MARCHF11: variants seen among roughly 807,000 people sequenced by gnomAD.
The protein encoded by MARCHF11 is E3 ubiquitin-protein ligase MARCHF11.
MARCHF11 carries 29 observed loss-of-function variants against 37.3 expected under a neutral mutation model. That is an observed-to-expected ratio of 0.78 (90% CI 0.58 to 1.06). MARCHF11 has a LOEUF of 1.06. Among genes scored for constraint, MARCHF11 ranks in the 50% least tolerant of loss-of-function variants. The pLI, the probability that MARCHF11 is intolerant of heterozygous loss-of-function variation, is 0.00. For synonymous variants in MARCHF11, 233 were observed against 228.0 expected, an observed-to-expected ratio of 1.02 and a Z score of -0.20; for missense variants, 482 against 533.4, an observed-to-expected ratio of 0.90 and a Z score of 0.95.
intron 2 of MARCHF11, among the ~76,000 whole-genome samples, chr5:16,160,337 ATAT>A (rs1316665033): frequency 1.0e-3 from 149 of 144,560 alleles, no homozygotes; most frequent in African/African-American, 3.3e-3. Context: ...ATAATTTAAT[ATAT>A]TAATTATATA....
intron 2 of MARCHF11, among the ~76,000 whole-genome samples, chr5:16,171,530 A>G (rs1265488642): frequency 1.3e-5 from 2 of 152,094 alleles, no homozygotes; most frequent in Non-Finnish European, 2.9e-5. Context: ...TAAAAAAAGA[A>G]TACTATTTCC....
At chr5:16,072,020 C>T (rs368069467) in intron 3 of MARCHF11, among the ~76,000 whole-genome samples, 52 of 152,096 alleles carry the variant, frequency 3.4e-4, no homozygotes, top group African/African-American at 1.3e-3. Flanking sequence ...AGTGCAGTGA[C>T]GTGATCTCGG....
At chr5:16,083,343 G>A (rs1256295366) in intron 3 of MARCHF11, among the ~76,000 whole-genome samples, 1 of 152,118 alleles carries the variant, frequency 6.6e-6, no homozygotes, top group East Asian at 1.9e-4. Flanking sequence ...GTCTTCAGTG[G>A]ACATTTTGAT....
At chr5:16,073,616 T>C (rs897189409) in intron 3 of MARCHF11, among the ~76,000 whole-genome samples, 58 of 149,640 alleles carry the variant, frequency 3.9e-4, no homozygotes, top group African/African-American at 1.4e-3. Context: ...ATAATATATA[T>C]AGAACTATAT....
At chr5:16,178,802 A>G (rs1310001894) in intron 1 of MARCHF11, among the ~76,000 whole-genome samples, 3 of 152,240 alleles carry the variant, frequency 2.0e-5, no homozygotes, top group African/African-American at 7.2e-5. Flanking sequence ...TAAGCCAGGA[A>G]GGAAAAAGGA....
At chr5:16,140,397 T>C (rs1451336143) in intron 2 of MARCHF11, among the ~76,000 whole-genome samples, 1 of 152,088 alleles carries the variant, frequency 6.6e-6, no homozygotes, top group African/African-American at 2.4e-5. Context: ...TTATAATAAA[T>C]GCAAAAACCT....
chr5:16,112,510 A>G (rs1737160716), intron 2 of MARCHF11, among the ~76,000 whole-genome samples: 1 of 152,156 alleles, frequency 6.6e-6, no homozygotes, highest in African/African-American at 2.4e-5. Context: ...GGCTGTATTT[A>G]CCCAATGCCT....
chr5:16,099,370 G>T (rs1287765051), intron 2 of MARCHF11, among the ~76,000 whole-genome samples: 1 of 152,066 alleles, frequency 6.6e-6, no homozygotes, highest in Non-Finnish European at 1.5e-5. Context: ...GGGAGAAAAA[G>T]GGTTCCTCAA....
In MARCHF11 at chr5:16,179,656, G is replaced by C; in HGVS notation, c.-81C>G. The C allele has an allele frequency of 2.0e-6, 2 of 1,021,684 alleles. No individual in the cohort carries two copies. The highest frequency in any genetic ancestry group is 2.4e-6 in the Non-Finnish European group (2 of 833,326). 63.3% of individuals were successfully genotyped at this position (1,021,684 alleles called of 1,614,324 possible). A position where few individuals can be genotyped will look rare whatever the true frequency, so the allele number is the denominator to read the frequency against. ...CAGGGAAAGAGAGCGCGGAGGGGGC[G>C]GGAGGGAGAGGGGAAAAGGAGGGAG... On this transcript the variant is annotated 5_prime_UTR_variant, in exon 1 of 4. Coordinates refer to ENST00000332432, the MANE Select transcript of MARCHF11 (RefSeq NM_001102562.3).
chr5:16,176,414 G>A (rs1004390224), intron 2 of MARCHF11, among the ~76,000 whole-genome samples: 1 of 152,114 alleles, frequency 6.6e-6, no homozygotes, highest in African/African-American at 2.4e-5. Flanking sequence ...AGACAACTAT[G>A]ATGGATTCAT....
At chr5:16,090,834 C>A (rs904659293) in intron 3 of MARCHF11, 55 bp downstream of exon 3, 3 of 1,330,054 alleles carry the variant, frequency 2.3e-6, no homozygotes, top group Non-Finnish European at 3.0e-6. Context: ...AAAACGTAAT[C>A]GCTGAAAGAA....
intron 2 of MARCHF11, among the ~76,000 whole-genome samples, chr5:16,165,885 A>C (rs144755370): frequency 1.3e-5 from 2 of 152,164 alleles, no homozygotes; most frequent in South Asian, 4.1e-4. Flanking sequence ...AGATGGGGGA[A>C]TTGAGCTCTA....
At chr5:16,124,597 T>A (rs1346050462) in intron 2 of MARCHF11, among the ~76,000 whole-genome samples, 1 of 152,152 alleles carries the variant, frequency 6.6e-6, no homozygotes, top group African/African-American at 2.4e-5. Flanking sequence ...TACATGGGTC[T>A]GGGAAAGGGA....
In MARCHF11 at chr5:16,177,808, A is replaced by G. The variant is rs779722849; in HGVS notation, c.611T>C (p.Ile204Thr). The change falls in exon 2 of 4, where the codon ATC becomes ACC. Residue 204 changes from isoleucine to threonine, a missense_variant. By Grantham distance (89) the Ile-to-Thr change is moderately conservative. Coordinates refer to ENST00000332432, the MANE Select transcript of MARCHF11 (RefSeq NM_001102562.3). The part of the protein sequence containing the change: ...YTHQLCLLKW[I>T]SERGSWTCEL... ...ACAGGTCCAGGAACCTCTCTCACTG[A>G]TCCATTTTAGCAGGCACAGCTGATG... 6.2e-7 allele frequency: 1 copy of G among 1,613,770 alleles called. No individual in the cohort carries two copies. The highest frequency in any genetic ancestry group is 8.5e-7 in the Non-Finnish European group (1 of 1,179,802).
intron 2 of MARCHF11, among the ~76,000 whole-genome samples, chr5:16,174,480 T>C (rs1327999576): frequency 2.0e-5 from 3 of 152,200 alleles, no homozygotes; most frequent in African/African-American, 4.8e-5. Context: ...AATTCAAATC[T>C]CAATGAGAAA....
chr5:16,108,074 G>A (rs1737074541), intron 2 of MARCHF11, among the ~76,000 whole-genome samples: 1 of 152,198 alleles, frequency 6.6e-6, no homozygotes, highest in African/African-American at 2.4e-5. Flanking sequence ...CTTGTGAAAA[G>A]GCAGAGCGTC....
Position 16,090,951 on chromosome 5 carries a change from C to T in MARCHF11, c.824G>A (p.Arg275Lys). Reference sequence around the variant, plus strand: ...GCAGATCTGAAAAAGGATGTCCTTCCTCTGCCACACTGCATAGGGGCTGAA... The same window carrying T: ...GCAGATCTGAAAAAGGATGTCCTTCTTCTGCCACACTGCATAGGGGCTGAA... ...SAFSPYAVWQ[R>K]KDILFQICYG... The change falls in exon 3 of 4, where the codon AGG (arginine) becomes AAG (lysine). Residue 275 changes from arginine to lysine, a missense_variant. By Grantham distance (26) the Arg-to-Lys change is conservative (BLOSUM62 2). Transcript: ENST00000332432. The T allele has an allele frequency of 1.9e-6, 3 of 1,611,638 alleles. No individual in the cohort carries two copies. The highest frequency in any genetic ancestry group is 1.7e-4 in the Middle Eastern group (1 of 6,056).
chr5:16,107,841 G>C (rs1012147800), intron 2 of MARCHF11, among the ~76,000 whole-genome samples: 2 of 151,306 alleles, frequency 1.3e-5, no homozygotes, highest in South Asian at 4.2e-4. Context: ...AGTTTGGCTG[G>C]GGGTGGTCAG....
At chr5:16,138,694 C>A (rs905820640) in intron 2 of MARCHF11, among the ~76,000 whole-genome samples, 1 of 152,214 alleles carries the variant, frequency 6.6e-6, no homozygotes, top group Non-Finnish European at 1.5e-5. Context: ...AGGGGCTGTA[C>A]CCTGCAAAGC....
Sources: allele counts gnomAD v4.1 joint callset (sites outside exome capture counted in the v4.1 genomes callset), GRCh38; gene constraint gnomAD v4.1.1; transcripts MANE v1.5; gene names NCBI Gene and HGNC (gene_info 2026-07-23, HGNC 2026-07-21).